CCNJL: variants seen among roughly 807,000 people sequenced by gnomAD.
The protein encoded by CCNJL is cyclin-J-like protein.
Under a neutral mutation model 33.4 loss-of-function variants are expected in CCNJL, and 33 were observed. That is an observed-to-expected ratio of 0.99 (90% CI 0.75 to 1.32). The LOEUF is 1.32. Ranked by LOEUF, CCNJL falls within the 40% of genes most tolerant of loss-of-function variation. The probability of loss-of-function intolerance (pLI) is 0.00; values close to 1 mark genes in which losing one functional copy is unlikely to be tolerated. For missense variants in CCNJL, 512 were observed against 499.7 expected (o/e 1.02, Z -0.23); for synonymous variants, 227 against 220.9 (o/e 1.03, Z -0.24).
At chr5:160,313,249 T>A (rs759302074), upstream of CCNJL, among the ~76,000 whole-genome samples, 2 of 152,360 alleles carry the variant, frequency 1.3e-5, no homozygotes, top group Admixed American at 1.3e-4. Flanking sequence ...GCCCATCTGA[T>A]GGCATAGCAT....
At chr5:160,312,017 C>A in intron 1 of CCNJL, 45 bp from the exon 2 acceptor site, 1 of 1,251,458 alleles carries the variant, frequency 8.0e-7, no homozygotes, top group Admixed American at 1.8e-5. Flanking sequence ...GTACCCCGGG[C>A]TCCGACCCCC....
At chr5:160,299,419 T>C (rs1057027680) in intron 2 of CCNJL, among the ~76,000 whole-genome samples, 2 of 152,074 alleles carry the variant, frequency 1.3e-5, no homozygotes, top group South Asian at 4.1e-4. Context: ...CCCAAAGTGC[T>C]GGGATTATAG....
chr5:160,266,595 C>G (rs1381047108), intron 3 of CCNJL, among the ~76,000 whole-genome samples: 1 of 152,166 alleles, frequency 6.6e-6, no homozygotes, highest in African/African-American at 2.4e-5. Flanking sequence ...AAACCCACAC[C>G]TCATAGGGCA....
intron 2 of CCNJL, among the ~76,000 whole-genome samples, chr5:160,306,466 C>T (rs956037340): frequency 6.6e-6 from 1 of 152,022 alleles, no homozygotes; most frequent in African/African-American, 2.4e-5. Flanking sequence ...ACCCAGTGGA[C>T]GAGAAGGAGG....
intron 2 of CCNJL, among the ~76,000 whole-genome samples, chr5:160,304,504 G>C (rs952119951): frequency 5.3e-5 from 8 of 152,124 alleles, no homozygotes; most frequent in Non-Finnish European, 1.0e-4. Flanking sequence ...GACTGCTTCA[G>C]GTCTCACTTG....
intron 2 of CCNJL, among the ~76,000 whole-genome samples, chr5:160,291,650 C>T (rs1762588914): frequency 1.3e-5 from 2 of 152,164 alleles, no homozygotes; most frequent in South Asian, 2.1e-4. Flanking sequence ...AAATCCCTGG[C>T]GTGATGCCTA....
chr5:160,280,412 A>G, intron 3 of CCNJL, 113 bp downstream of exon 3: 1 of 835,232 alleles, frequency 1.2e-6, no homozygotes, highest in Non-Finnish European at 1.9e-6. Flanking sequence ...GTGAAGGATG[A>G]ACATATAAGA....
chr5:160,296,642 AG>A (rs1202739193), intron 2 of CCNJL, among the ~76,000 whole-genome samples: 1 of 152,106 alleles, frequency 6.6e-6, no homozygotes, highest in Non-Finnish European at 1.5e-5. Flanking sequence ...TCAAACATCT[AG>A]GAAGACCCAC....
intron 3 of CCNJL, among the ~76,000 whole-genome samples, chr5:160,264,265 T>G (rs1761477006): frequency 6.6e-6 from 1 of 152,000 alleles, no homozygotes; most frequent in Non-Finnish European, 1.5e-5. Flanking sequence ...ATTCTAAACC[T>G]AGTGAAGCAC....
chr5:160,333,193 G>A (rs1021347680), intron 1 of CCNJL, among the ~76,000 whole-genome samples: 1 of 151,776 alleles, frequency 6.6e-6, no homozygotes, highest in African/African-American at 2.4e-5. Flanking sequence ...CACGCTCTCG[G>A]CTCATTGCAA....
At chr5:160,334,746 C>T (rs758236285) in intron 1 of CCNJL, among the ~76,000 whole-genome samples, 14 of 152,216 alleles carry the variant, frequency 9.2e-5, no homozygotes, top group Admixed American at 6.5e-4. Context: ...TTTGGCCAGC[C>T]TTCTCACATG....
chr5:160,321,060 TTC>T (rs1401158270), intron 1 of CCNJL, among the ~76,000 whole-genome samples: 43 of 125,672 alleles, frequency 3.4e-4, no homozygotes, highest in African/African-American at 1.6e-3. Context: ...CTTTCTTTCT[TTC>T]TTTCTTTCTT....
chr5:160,284,904 A>C (rs986545801), intron 2 of CCNJL, among the ~76,000 whole-genome samples: 1 of 152,118 alleles, frequency 6.6e-6, no homozygotes, highest in African/African-American at 2.4e-5. Context: ...GCTTACCAGA[A>C]AACTTTTTTA....
upstream of CCNJL, chr5:160,315,413 A>G (rs1388641749): frequency 4.5e-6 from 2 of 448,738 alleles, no homozygotes; most frequent in African/African-American, 2.0e-5. Flanking sequence ...AAGCTGAAAT[A>G]GAAGAATCAC....
intron 1 of CCNJL, among the ~76,000 whole-genome samples, chr5:160,336,274 C>T (rs1763683373): frequency 6.6e-6 from 1 of 152,188 alleles, no homozygotes; most frequent in Non-Finnish European, 1.5e-5. Flanking sequence ...GAAAAAGGGT[C>T]TTTGCAGATG....
At chr5:160,318,164 G>T (rs559819324) in intron 1 of CCNJL, among the ~76,000 whole-genome samples, 1 of 151,968 alleles carries the variant, frequency 6.6e-6, no homozygotes, top group Admixed American at 6.6e-5. Context: ...TTACAGGCAC[G>T]CACCACCATG....
intron 3 of CCNJL, among the ~76,000 whole-genome samples, chr5:160,276,620 A>G (rs545847154): frequency 1.1e-4 from 16 of 152,272 alleles, no homozygotes; most frequent in Admixed American, 9.8e-4. Context: ...GCTGGGGGAT[A>G]GGAAGAAACG....
chr5:160,259,628 G>A lies in CCNJL; in HGVS notation c.424C>T (p.Leu142Phe), dbSNP rs1761230239. Residue 142 changes from leucine (L) to phenylalanine (F), a missense_variant, in exon 4 of 6, where the codon CTC (leucine) becomes TTC (phenylalanine). Coordinates refer to ENST00000257536, the MANE Select transcript of CCNJL (RefSeq NM_001308173.3). ...LLLLEAFSWNLCLPTPAHFLD... is the reference protein window; with the variant it reads ...LLLLEAFSWNFCLPTPAHFLD... ...AAGTGGGCAGGCGTGGGCAGGCAGA[G>A]GTTCCAGCTGAAGGCCTCCAGGAGC... 6.2e-7 allele frequency: 1 copy of A among 1,614,216 alleles called. No homozygotes were observed. The highest frequency in any genetic ancestry group is 8.5e-7 in the Non-Finnish European group (1 of 1,180,038).
rs372596521 is a variant in CCNJL, at chr5:160,253,343, A to C, written c.*35T>G. 66 of 1,536,536 alleles carry C rather than the reference A, an allele frequency of 4.3e-5. No individual in the cohort carries two copies. The highest frequency in any genetic ancestry group is 5.4e-5 in the Non-Finnish European group (62 of 1,139,212). ...TTCAGTGTCCTCTTCCTCTGCCCAC[A>C]TCTCCAAGGCTTCCTCGTGAGGTCT... On this transcript the variant is annotated 3_prime_UTR_variant, in exon 6 of 6. Transcript: ENST00000257536.
Sources: allele counts gnomAD v4.1 joint callset (sites outside exome capture counted in the v4.1 genomes callset), GRCh38; gene constraint gnomAD v4.1.1; transcripts MANE v1.5; gene names NCBI Gene and HGNC (gene_info 2026-07-23, HGNC 2026-07-21).